AGTPBP1: variants seen among roughly 807,000 people sequenced by gnomAD.
AGTPBP1 encodes ATP/GTP binding carboxypeptidase 1.
AGTPBP1 carries 70 observed loss-of-function variants against 143.9 expected under a neutral mutation model. The ratio of observed to expected loss-of-function variants is 0.49; its 90% confidence interval spans 0.40 to 0.59. The LOEUF is 0.59. AGTPBP1 is among the 20% of genes least tolerant of loss of function. The pLI is 0.00. For missense variants in AGTPBP1, 1,229 were observed against 1,464.5 expected (o/e 0.84, Z 2.62); for synonymous variants, 463 against 500.2 (o/e 0.93, Z 0.99).
chr9:85,694,166 T>C (rs1370270752), intron 2 of AGTPBP1, among the ~76,000 whole-genome samples: 1 of 152,222 alleles, frequency 6.6e-6, no homozygotes, highest in Non-Finnish European at 1.5e-5. Flanking sequence ...AAGAGTTACA[T>C]GTTCTCACTT....
intron 23 of AGTPBP1, among the ~76,000 whole-genome samples, chr9:85,580,728 C>T (rs1828205677): frequency 6.6e-6 from 1 of 152,084 alleles, no homozygotes; most frequent in South Asian, 2.1e-4. Context: ...TTTGGCAATA[C>T]TTATTAAATG....
At chr9:85,769,187 G>C in the AGTPBP1 span, among the ~76,000 whole-genome samples, 1 of 152,014 alleles carries the variant, frequency 6.6e-6, no homozygotes, top group Admixed American at 6.6e-5. Flanking sequence ...TAAGTCAACA[G>C]ATATTGAGTT....
intron 14 of AGTPBP1, among the ~76,000 whole-genome samples, chr9:85,628,481 T>C (rs1360837621): frequency 1.3e-5 from 2 of 152,328 alleles, no homozygotes; most frequent in South Asian, 2.1e-4. Flanking sequence ...AGGTTTTAGA[T>C]TGCTTCAGAA....
At chr9:85,586,686 G>T in intron 22 of AGTPBP1, 145 bp downstream of exon 22, 1 of 1,012,722 alleles carries the variant, frequency 9.9e-7, no homozygotes, top group Non-Finnish European at 1.4e-6. Context: ...AGGCTTATGA[G>T]AATTACAAAC....
intron 1 of AGTPBP1, 192 bp downstream of exon 1, chr9:85,741,583 T>C: frequency 4.1e-6 from 4 of 985,316 alleles, no homozygotes; most frequent in Non-Finnish European, 4.8e-6. Flanking sequence ...CGTCAGGGCT[T>C]TCCCTCAAGA....
intron 17 of AGTPBP1, among the ~76,000 whole-genome samples, chr9:85,614,278 C>A (rs1021074869): frequency 6.6e-6 from 1 of 151,856 alleles, no homozygotes; most frequent in Non-Finnish European, 1.5e-5. Context: ...ATCCAAAGTA[C>A]CAACTCAGAA....
intron 24 of AGTPBP1, among the ~76,000 whole-genome samples, chr9:85,577,419 A>C (rs919332823): frequency 1.3e-5 from 2 of 152,162 alleles, no homozygotes; most frequent in Non-Finnish European, 2.9e-5. Flanking sequence ...CCCATCCCAC[A>C]CACTTACTGA....
At chr9:85,613,239 T>C (rs911845081) in intron 17 of AGTPBP1, among the ~76,000 whole-genome samples, 1 of 151,514 alleles carries the variant, frequency 6.6e-6, no homozygotes, top group Non-Finnish European at 1.5e-5. Context: ...GAAACTTAAA[T>C]ACTTTGATCA....
At chr9:85,794,529 C>A in the AGTPBP1 span, among the ~76,000 whole-genome samples, 1 of 152,284 alleles carries the variant, frequency 6.6e-6, no homozygotes, top group Admixed American at 6.5e-5. Context: ...TGTCCTATGA[C>A]AGACTGTACC....
intron 23 of AGTPBP1, among the ~76,000 whole-genome samples, chr9:85,583,366 G>A (rs531065950): frequency 2.0e-5 from 3 of 152,106 alleles, no homozygotes; most frequent in Admixed American, 2.0e-4. Context: ...ATGCGCACCT[G>A]CCCTACAACC....
At chr9:85,787,275 G>A in the AGTPBP1 span, among the ~76,000 whole-genome samples, 1 of 151,866 alleles carries the variant, frequency 6.6e-6, no homozygotes, top group East Asian at 1.9e-4. Flanking sequence ...CTCTCATTAT[G>A]TTACTAAAAC....
At chr9:85,594,212 T>C (rs2079165902) in intron 18 of AGTPBP1, among the ~76,000 whole-genome samples, 1 of 152,228 alleles carries the variant, frequency 6.6e-6, no homozygotes, top group African/African-American at 2.4e-5. Context: ...TTATTTCATA[T>C]AATGGTGAAA....
intron 2 of AGTPBP1, among the ~76,000 whole-genome samples, chr9:85,693,148 A>G (rs776769972): frequency 6.6e-6 from 1 of 152,156 alleles, no homozygotes; most frequent in Non-Finnish European, 1.5e-5. Context: ...CAAAACTCTG[A>G]TAATCCTTCT....
intron 25 of AGTPBP1, among the ~76,000 whole-genome samples, chr9:85,548,412 G>A (rs1360595724): frequency 6.6e-6 from 1 of 152,080 alleles, no homozygotes; most frequent in Non-Finnish European, 1.5e-5. Flanking sequence ...TCATTAAAGG[G>A]AAAAATGCAT....
chr9:85,664,385 G>A (rs1382059808), intron 8 of AGTPBP1, among the ~76,000 whole-genome samples: 1 of 152,084 alleles, frequency 6.6e-6, no homozygotes, highest in African/African-American at 2.4e-5. Context: ...GTTGGTGTTG[G>A]TATAAAGATG....
chr9:85,769,077 C>G, the AGTPBP1 span, among the ~76,000 whole-genome samples: 1 of 150,052 alleles, frequency 6.7e-6, no homozygotes, highest in Non-Finnish European at 1.5e-5. Flanking sequence ...AAGAAATATT[C>G]ACATTATTTT....
intron 13 of AGTPBP1, among the ~76,000 whole-genome samples, chr9:85,640,257 G>A (rs1313548894): frequency 2.0e-5 from 3 of 152,048 alleles, no homozygotes; most frequent in Admixed American, 6.5e-5. Flanking sequence ...TCAAAAAACA[G>A]AGCCTAAAGT....
chr9:85,556,540 T>C (rs1032333371), intron 25 of AGTPBP1, among the ~76,000 whole-genome samples: 6 of 152,118 alleles, frequency 3.9e-5, no homozygotes, highest in African/African-American at 1.2e-4. Context: ...AAGACAAAGA[T>C]GACTAACTGG....
intron 4 of AGTPBP1, among the ~76,000 whole-genome samples, chr9:85,680,388 A>T (rs1399126212): frequency 6.6e-6 from 1 of 152,190 alleles, no homozygotes; most frequent in African/African-American, 2.4e-5. Context: ...GTTCAAGACC[A>T]GCCTGGTCAA....
Sources: allele counts gnomAD v4.1 joint callset (sites outside exome capture counted in the v4.1 genomes callset), GRCh38; gene constraint gnomAD v4.1.1; transcripts MANE v1.5; gene names NCBI Gene and HGNC (gene_info 2026-07-23, HGNC 2026-07-21).